Variants in GAB2 observed in about 807,000 individuals in gnomAD.
GAB2 encodes the protein GRB2-associated-binding protein 2.
A neutral mutation model predicts 65.5 loss-of-function variants in GAB2; 26 were observed. The ratio of observed to expected loss-of-function variants is 0.40; its 90% CI spans 0.29 to 0.55. The LOEUF (loss-of-function observed/expected upper bound fraction) is 0.55, where lower values mean the gene tolerates loss of function less well. Among genes scored for constraint, GAB2 ranks in the 20% least tolerant of loss-of-function variants. GAB2 has a pLI of 0.53. For missense variants in GAB2, 884 were observed against 875.8 expected (o/e 1.01, Z -0.12); for synonymous variants, 321 against 329.6 (o/e 0.97, Z 0.28).
intron 1 of GAB2, among the ~76,000 whole-genome samples, chr11:78,322,605 T>A (rs545936653): frequency 6.6e-6 from 1 of 151,780 alleles, no homozygotes; most frequent in Non-Finnish European, 1.5e-5. Flanking sequence ...ACTTAAATAA[T>A]TCAATAAAAA....
chr11:78,348,431 T>G (rs902669322), intron 1 of GAB2, among the ~76,000 whole-genome samples: 2 of 152,120 alleles, frequency 1.3e-5, no homozygotes, highest in African/African-American at 4.8e-5. Flanking sequence ...GGCAAAAGAT[T>G]TGAACAGATA....
At chr11:78,311,798 C>G (rs569960770) in intron 1 of GAB2, among the ~76,000 whole-genome samples, 1 of 152,042 alleles carries the variant, frequency 6.6e-6, no homozygotes, top group Non-Finnish European at 1.5e-5. Context: ...GGACTTGGAG[C>G]GAGGCGGTAG....
At chr11:78,306,804 C>T (rs909863755) in intron 1 of GAB2, among the ~76,000 whole-genome samples, 4 of 152,186 alleles carry the variant, frequency 2.6e-5, no homozygotes, top group African/African-American at 9.7e-5. Context: ...AGCTGCATGA[C>T]CCTAATGAGT....
chr11:78,337,182 C>T (rs575505999), intron 1 of GAB2, among the ~76,000 whole-genome samples: 1 of 152,184 alleles, frequency 6.6e-6, no homozygotes, highest in African/African-American at 2.4e-5. Context: ...AGCATTTGGT[C>T]TCAGCAAAAG....
intron 1 of GAB2, among the ~76,000 whole-genome samples, chr11:78,347,567 ATAATAGACACT>A (rs1437447053): frequency 1.3e-5 from 2 of 152,192 alleles, no homozygotes; most frequent in African/African-American, 4.8e-5. Context: ...TTCCTGATAC[ATAATAGACACT>A]TACCTAAAAG....
chr11:78,247,997 A>G (rs908168047), intron 3 of GAB2, among the ~76,000 whole-genome samples: 1 of 152,238 alleles, frequency 6.6e-6, no homozygotes, highest in Admixed American at 6.5e-5. Flanking sequence ...TCAGCTGCGT[A>G]AAGTTCTATC....
chr11:78,351,113 A>G (rs998204381), intron 1 of GAB2, among the ~76,000 whole-genome samples: 25 of 152,212 alleles, frequency 1.6e-4, no homozygotes, highest in Admixed American at 1.4e-3. Flanking sequence ...CATGCAGAGA[A>G]CAAGGGAGCC....
intron 1 of GAB2, among the ~76,000 whole-genome samples, chr11:78,357,813 G>A (rs1161025354): frequency 6.6e-6 from 1 of 152,232 alleles, no homozygotes; most frequent in Non-Finnish European, 1.5e-5. Context: ...TGGAGAGGAT[G>A]TGGAGAAATA....
intron 1 of GAB2, among the ~76,000 whole-genome samples, chr11:78,292,598 A>T (rs1368219364): frequency 2.0e-5 from 3 of 152,218 alleles, no homozygotes; most frequent in Non-Finnish European, 4.4e-5. Context: ...ATATTTCAAC[A>T]CGAAGCTACT....
chr11:78,395,471 C>T (rs1856884968), intron 1 of GAB2, among the ~76,000 whole-genome samples: 1 of 152,188 alleles, frequency 6.6e-6, no homozygotes, highest in Admixed American at 6.5e-5. Flanking sequence ...CCAACCAAGT[C>T]TACCTTTTCC....
intron 2 of GAB2, among the ~76,000 whole-genome samples, chr11:78,268,582 G>C (rs189045816): frequency 4.6e-5 from 7 of 152,088 alleles, no homozygotes; most frequent in African/African-American, 1.7e-4. Flanking sequence ...AAGTAGGGGG[G>C]ATCTTATGAG....
At chr11:78,327,216 C>T (rs1338793990) in intron 1 of GAB2, among the ~76,000 whole-genome samples, 2 of 152,156 alleles carry the variant, frequency 1.3e-5, no homozygotes, top group Non-Finnish European at 2.9e-5. Context: ...CTGTACATGT[C>T]TGATTCACTA....
At chr11:78,385,547 G>A (rs1264213118) in intron 1 of GAB2, among the ~76,000 whole-genome samples, 1 of 152,158 alleles carries the variant, frequency 6.6e-6, no homozygotes, top group Non-Finnish European at 1.5e-5. Flanking sequence ...CAGGAGAGAA[G>A]CCCTTTAAAT....
chr11:78,254,059 A>G (rs907960512), intron 2 of GAB2, among the ~76,000 whole-genome samples: 2 of 152,172 alleles, frequency 1.3e-5, no homozygotes, highest in Non-Finnish European at 2.9e-5. Flanking sequence ...CTGTGGAGTC[A>G]TATCTGTGAC....
intron 1 of GAB2, among the ~76,000 whole-genome samples, chr11:78,406,279 C>T (rs1343175159): frequency 6.6e-6 from 1 of 152,170 alleles, no homozygotes; most frequent in African/African-American, 2.4e-5. Flanking sequence ...AAGGCAGTGT[C>T]CCCTTCCGAT....
chr11:78,267,937 T>C (rs992115121), intron 2 of GAB2, among the ~76,000 whole-genome samples: 2 of 151,144 alleles, frequency 1.3e-5, no homozygotes, highest in African/African-American at 2.4e-5. Context: ...TTTATGAACA[T>C]GGATTGTATC....
Position 78,217,353 on chromosome 11 carries a change from C to G in GAB2, c.*1919G>C, listed in dbSNP as rs1864199538. On this transcript the variant is annotated 3_prime_UTR_variant, in exon 10 of 10. Transcript: ENST00000361507. ...GAGACAGCAGCCATTAATAAATACT[C>G]CTTGAGTTGATCTAAACTAATGCTA... 1 of 152,206 alleles carries G rather than the reference C, an allele frequency of 6.6e-6. No homozygotes were observed. Among genetic ancestry groups the G allele is most frequent in the African/African-American group, 2.4e-5 (1 of 41,434 alleles). 9.4% of individuals were successfully genotyped at this position (152,206 alleles called of 1,614,324 possible). A position where few individuals can be genotyped will look rare whatever the true frequency, so the allele number is the denominator to read the frequency against.
At chr11:78,283,089 T>A (rs1866375745) in intron 1 of GAB2, among the ~76,000 whole-genome samples, 1 of 152,192 alleles carries the variant, frequency 6.6e-6, no homozygotes, top group Non-Finnish European at 1.5e-5. Flanking sequence ...CCTACTATAT[T>A]TACCTAGTCA....
At chr11:78,354,073 A>G (rs1856320715) in intron 1 of GAB2, among the ~76,000 whole-genome samples, 1 of 152,182 alleles carries the variant, frequency 6.6e-6, no homozygotes, top group African/African-American at 2.4e-5. Flanking sequence ...TTTGAGAACT[A>G]CTGAAATAAG....
Sources: allele counts gnomAD v4.1 joint callset (sites outside exome capture counted in the v4.1 genomes callset), GRCh38; gene constraint gnomAD v4.1.1; transcripts MANE v1.5; gene names NCBI Gene and HGNC (gene_info 2026-07-23, HGNC 2026-07-21).